Variants in PHACTR2 observed in about 807,000 individuals in gnomAD.
PHACTR2 encodes the protein chromosome 6 open reading frame 56.
PHACTR2 carries 30 observed loss-of-function variants against 76.0 expected under a neutral mutation model. The observed-to-expected ratio is 0.39, with a 90% CI of 0.30 to 0.54. The LOEUF is 0.54. Ranked by LOEUF, PHACTR2 falls within the 20% of genes least tolerant of loss-of-function variation. The probability of loss-of-function intolerance (pLI) is 0.61; values close to 1 mark genes in which losing one functional copy is unlikely to be tolerated. For missense variants in PHACTR2, 696 were observed against 781.1 expected (o/e 0.89, Z 1.30); for synonymous variants, 292 against 292.5 (o/e 1.00, Z 0.02).
At position 143,624,259 on chromosome 6, in the gene PHACTR2, A is replaced by G. The variant is rs899469660; in HGVS notation, c.13+15937A>G. ...GTAGCTGGGATTACAGGTGCCTGCCACCACACCTGACTAATTTTTGTATTT... is the reference window on the plus strand; with the variant it reads ...GTAGCTGGGATTACAGGTGCCTGCCGCCACACCTGACTAATTTTTGTATTT... On this transcript the variant is annotated intron_variant, in intron 1 of 11. Coordinates refer to the PHACTR2 transcript ENST00000305766. This position sits in a 1 kb window ranked among gnomAD's most constrained non-coding sequence, Gnocchi z 4.6. Among the ~76,000 whole-genome samples, 2 of 152,048 alleles carry G rather than the reference A, an allele frequency of 1.3e-5. No homozygotes were observed. The highest frequency in any genetic ancestry group is 2.9e-5 in the Non-Finnish European group (2 of 67,998).
In PHACTR2 at chr6:143,557,699, A is replaced by G. The variant is rs1025952249; in HGVS notation, c.217+20492A>G. The G allele has an allele frequency of 1.1e-4, 16 of 152,206 alleles. No individual in the cohort carries two copies. Among genetic ancestry groups the G allele is most frequent in the African/African-American group, 3.4e-4 (14 of 41,514 alleles). The allele number at this position is 152,206 out of a possible 1,614,324, so 9.4% of individuals were successfully genotyped here. ...CTTGTCGCGAGTCCTAGAGGCAACC[A>G]GTTCCTTGCGTACCCCACCCTCCTT... On this transcript the variant is annotated intron_variant, in intron 1 of 11. Transcript: ENST00000367584. This position sits in a 1 kb window ranked among gnomAD's most constrained non-coding sequence, Gnocchi z 5.5.
In PHACTR2 at chr6:143,633,083, T is replaced by G. The variant is rs936517981; in HGVS notation, c.13+24761T>G. 6.6e-6 allele frequency among the ~76,000 whole-genome samples: 1 copy of G among 152,238 alleles called. No individual in the cohort carries two copies. Among genetic ancestry groups the G allele is most frequent in the African/African-American group, 2.4e-5 (1 of 41,470 alleles). On this transcript the variant is annotated intron_variant, in intron 1 of 11. Coordinates refer to the PHACTR2 transcript ENST00000305766. The surrounding 1 kb of genome is among the most constrained non-coding windows in gnomAD (Gnocchi z 4.1). The stretch of plus-strand genomic sequence containing the variant: ...TGCTATAAACATCTGTGTGCAGGGC[T>G]TTTTGCTGACATAATCTTTCAGCCG...
rs530835735 is a variant in PHACTR2, at chr6:143,700,886, G to C, written c.47-11130G>C. On this transcript the variant is annotated intron_variant, in intron 1 of 12. Transcript: ENST00000440869. This position sits in a 1 kb window ranked among gnomAD's most constrained non-coding sequence, Gnocchi z 4.1. ...CAAGATAGGTTGTTGGTTGATTCCT[G>C]TCACGTTTTTCCTCTCTGTAGCGAC... Among the ~76,000 whole-genome samples, 1 of 152,326 alleles carries C rather than the reference G, an allele frequency of 6.6e-6. No individual in the cohort carries two copies. The highest frequency in any genetic ancestry group is 6.5e-5 in the Admixed American group (1 of 15,294).
chr6:143,767,665 A>G lies in PHACTR2; in HGVS notation c.1232+1867A>G, dbSNP rs1210022097. 2.0e-5 allele frequency among the ~76,000 whole-genome samples: 3 copies of G among 152,158 alleles called. No individual in the cohort carries two copies. The highest frequency in any genetic ancestry group is 2.4e-5 in the African/African-American group (1 of 41,420). The stretch of plus-strand genomic sequence containing the variant: ...TTGGCAAGGATCTTCTTTCCATGTC[A>G]TCACATGGTGGAAGGTGGAAGGGCA... On this transcript the variant is annotated intron_variant, in intron 6 of 12. Transcript: ENST00000440869. The surrounding 1 kb of genome is among the most constrained non-coding windows in gnomAD (Gnocchi z 4.4).
chr6:143,614,264 G>C (rs2128438443), intron 1 of PHACTR2, among the ~76,000 whole-genome samples: 1 of 152,158 alleles, frequency 6.6e-6, no homozygotes, highest in South Asian at 2.1e-4. Context: ...AATTTCCTGT[G>C]GGTGCTAATA....
At chr6:143,666,220 T>C (rs1777032578) in intron 1 of PHACTR2, among the ~76,000 whole-genome samples, 1 of 152,254 alleles carries the variant, frequency 6.6e-6, no homozygotes, top group Non-Finnish European at 1.5e-5. Context: ...TCCTTTTTTA[T>C]GGCTGCATAG....
At chr6:143,778,058 T>C (rs1290551758) in intron 9 of PHACTR2, among the ~76,000 whole-genome samples, 1 of 152,260 alleles carries the variant, frequency 6.6e-6, no homozygotes, top group Non-Finnish European at 1.5e-5. Flanking sequence ...TGTCATGCTA[T>C]TGTGTGTCAG....
intron 2 of PHACTR2, among the ~76,000 whole-genome samples, chr6:143,746,165 C>T (rs1482825081): frequency 6.6e-6 from 1 of 152,132 alleles, no homozygotes; most frequent in Non-Finnish European, 1.5e-5. Context: ...CAGGATCACT[C>T]AGCATTTGAG....
In PHACTR2 at chr6:143,742,117, A is replaced by C. The variant is rs1015924934; in HGVS notation, c.215-6868A>C. Among the ~76,000 whole-genome samples, 3 of 151,922 alleles carry C rather than the reference A, an allele frequency of 2.0e-5. No homozygotes were observed. Among genetic ancestry groups the C allele is most frequent in the African/African-American group, 7.3e-5 (3 of 41,354 alleles). ...TGAAACTCCATCTCAAAAAAAAAAA[A>C]CAACAACATTTATTTGATACTTTTT... is the stretch of plus-strand genomic sequence containing the variant. On this transcript the variant is annotated intron_variant, in intron 2 of 12. Transcript: ENST00000440869. The surrounding 1 kb of genome is among the most constrained non-coding windows in gnomAD (Gnocchi z 4.5).
intron 1 of PHACTR2, among the ~76,000 whole-genome samples, chr6:143,665,900 T>C (rs148435771): frequency 0.036 from 5,501 of 152,350 alleles, 104 homozygotes; most frequent in South Asian, 0.043. Flanking sequence ...TACTTTAAGT[T>C]CTGGGATACA....
chr6:143,643,939 G>A (rs572191899), intron 1 of PHACTR2, among the ~76,000 whole-genome samples: 1 of 152,224 alleles, frequency 6.6e-6, no homozygotes, highest in African/African-American at 2.4e-5. Context: ...TATCAAAAAA[G>A]ATTAGAAGCA....
chr6:143,637,344 A>G (rs139632118), intron 1 of PHACTR2, among the ~76,000 whole-genome samples: 2 of 152,142 alleles, frequency 1.3e-5, no homozygotes, highest in Non-Finnish European at 2.9e-5. Context: ...AAGAAAAGGA[A>G]GGAAGGAAGG....
chr6:143,538,147 G>T (rs554563925), intron 1 of PHACTR2, among the ~76,000 whole-genome samples: 3 of 152,062 alleles, frequency 2.0e-5, no homozygotes, highest in African/African-American at 7.2e-5. Flanking sequence ...GCCCCTCTGC[G>T]GTAGCACCGG....
At chr6:143,785,964 A>T (rs1775547267) in intron 10 of PHACTR2, among the ~76,000 whole-genome samples, 2 of 152,174 alleles carry the variant, frequency 1.3e-5, no homozygotes, top group South Asian at 4.1e-4. Context: ...AAGGTCTCTG[A>T]CATGGCCTGG....
rs954727751 is a variant in PHACTR2 at position 143,770,499 on chromosome 6, A to G, written c.1233-1759A>G. On this transcript the variant is annotated intron_variant, in intron 6 of 12. Coordinates refer to ENST00000440869, the MANE Select transcript of PHACTR2 (RefSeq NM_001100164.2). ...CACTTAAAACTGGTTAAAATGGCAA[A>G]TTTTATGTTATGTATATTTTACACA... Among the ~76,000 whole-genome samples, 4 of 152,188 alleles carry G rather than the reference A, an allele frequency of 2.6e-5. No individual in the cohort carries two copies. The East Asian group carries it at 7.7e-4, about 29-fold the overall frequency.
chr6:143,746,550 T>G (rs548646044), intron 2 of PHACTR2, among the ~76,000 whole-genome samples: 1 of 152,236 alleles, frequency 6.6e-6, no homozygotes, highest in African/African-American at 2.4e-5. Flanking sequence ...CTGGGCCTGT[T>G]CCCAGGAATG....
At chr6:143,758,448 T>C (rs1779356511) in intron 4 of PHACTR2, among the ~76,000 whole-genome samples, 1 of 152,212 alleles carries the variant, frequency 6.6e-6, no homozygotes, top group African/African-American at 2.4e-5. Flanking sequence ...GTCAGAAGAC[T>C]GGGAAATTAA....
rs1456050312 is a variant in PHACTR2 at position 143,627,818 on chromosome 6, G to T, written c.13+19496G>T. On this transcript the variant is annotated intron_variant, in intron 1 of 11. Coordinates refer to the PHACTR2 transcript ENST00000305766. The surrounding 1 kb of genome is among the most constrained non-coding windows in gnomAD (Gnocchi z 4.3). ...GAGTTTCACTATGTTAGCCAGGTTG[G>T]TCTCGATCTCCTGACCTTGTGATCC... 1.3e-5 allele frequency among the ~76,000 whole-genome samples: 2 copies of T among 151,902 alleles called. No individual in the cohort carries two copies. Among genetic ancestry groups the T allele is most frequent in the Admixed American group, 6.6e-5 (1 of 15,250 alleles).
intron 1 of PHACTR2, among the ~76,000 whole-genome samples, chr6:143,640,320 G>C (rs1776542597): frequency 6.6e-6 from 1 of 152,194 alleles, no homozygotes; most frequent in African/African-American, 2.4e-5. Flanking sequence ...GCCTCAGTCA[G>C]TTCCTCCAGA....
Sources: gnomAD v4.1 joint callset for allele counts (sites outside exome capture counted in the v4.1 genomes callset) on GRCh38, gnomAD v4.1.1 for gene constraint, Gnocchi (gnomAD v3.1) non-coding constraint, MANE v1.5 for transcripts, NCBI Gene and HGNC (gene_info 2026-07-23, HGNC 2026-07-21) for gene names.